Variants in SARAF observed in about 807,000 individuals in gnomAD.
SARAF encodes the protein store-operated calcium entry-associated regulatory factor.
SARAF carries 23 observed loss-of-function variants against 39.7 expected under a neutral mutation model. The observed-to-expected ratio is 0.58, with a 90% CI of 0.42 to 0.82. The LOEUF (loss-of-function observed/expected upper bound fraction) is 0.82, where lower values mean the gene tolerates loss of function less well. Ranked by LOEUF, SARAF falls within the 40% of genes least tolerant of loss-of-function variation. SARAF has a pLI of 0.00. For synonymous variants in SARAF, 175 were observed against 168.5 expected (o/e 1.04, Z -0.30); for missense variants, 384 against 418.5 (o/e 0.92, Z 0.72).
intron 4 of SARAF, 112 bp from the exon 5 acceptor site, chr8:30,066,251 T>C: frequency 1.8e-6 from 2 of 1,125,700 alleles, no homozygotes. Flanking sequence ...TATTTTTTCC[T>C]GAATGTTCTG....
chr8:30,068,295 G>C (rs573447456), intron 3 of SARAF, among the ~76,000 whole-genome samples: 16 of 152,232 alleles, frequency 1.1e-4, no homozygotes, highest in African/African-American at 3.9e-4. Context: ...GATTCTCATA[G>C]GAGCACAAAC....
chr8:30,083,027 GC>G lies in SARAF; in HGVS notation c.-79del, dbSNP rs1249781627. On this transcript the variant is annotated 5_prime_UTR_variant, in exon 1 of 6. Coordinates refer to ENST00000256255, the MANE Select transcript of SARAF (RefSeq NM_016127.6). Reference sequence around the variant, plus strand: ...GGTGCGGTAGCGCGCGCGACGCTGCGCAGCTACACCGCTACCCCTGGCGGCG... The same window carrying G: ...GGTGCGGTAGCGCGCGCGACGCTGCGAGCTACACCGCTACCCCTGGCGGCG... The G allele has an allele frequency of 1.8e-6, 2 of 1,097,310 alleles. No individual in the cohort carries two copies. The highest frequency in any genetic ancestry group is 5.4e-5 in the Admixed American group (2 of 36,858). The allele number at this position is 1,097,310 out of a possible 1,614,324, so 68.0% of individuals were successfully genotyped here. A position where few individuals can be genotyped will look rare whatever the true frequency, so the allele number is the denominator to read the frequency against.
chr8:30,078,719 T>C lies in SARAF; in HGVS notation c.103+4128A>G, dbSNP rs1457821623. ...CAATACCCTATCTATATAAAAAATA[T>C]ATATAGAGAGAGAGACCTAAATATA... On this transcript the variant is annotated intron_variant, in intron 1 of 5. Transcript: ENST00000256255. Among the ~76,000 whole-genome samples, 4 of 152,182 alleles carry C rather than the reference T, an allele frequency of 2.6e-5. No homozygotes were observed. The South Asian group carries it at 6.2e-4, about 24-fold the overall frequency.
rs57282514 is a variant in SARAF, at chr8:30,067,554, T to A, written c.701-636A>T. On this transcript the variant is annotated intron_variant, in intron 3 of 5. Transcript: ENST00000256255. ...CATGACAACTCCTAATAGATTCCCATCTATGTCAGAGATCAGCACTACTTT... is the reference window on the plus strand; with the variant it reads ...CATGACAACTCCTAATAGATTCCCAACTATGTCAGAGATCAGCACTACTTT... 3.4e-3 allele frequency among the ~76,000 whole-genome samples: 525 copies of A among 152,318 alleles called. 3 individuals carry two copies. The highest frequency in any genetic ancestry group is 0.012 in the African/African-American group (494 of 41,560).
chr8:30,073,892 A>G lies in SARAF; in HGVS notation c.267T>C (p.Asp89=), dbSNP rs375588516. Reference sequence around the variant, plus strand: ...TGGATATTACCTGTACATCATACCCATCCCAGCCTTTGTTCTGACACTGTA... The same window carrying G: ...TGGATATTACCTGTACATCATACCCGTCCCAGCCTTTGTTCTGACACTGTA... The part of the protein sequence containing the change: ...KVIQCQNKGW[D]GYDVQWECKT... Residue 89 remains aspartate, a synonymous_variant, in exon 2 of 6, where the codon GAT becomes GAC. Transcript: ENST00000256255. The G allele has an allele frequency of 5.3e-5, 86 of 1,614,192 alleles. No individual in the cohort carries two copies. The African/African-American group carries it at 9.1e-4, about 17-fold the overall frequency.
rs367575463 is a variant in SARAF at position 30,063,892 on chromosome 8, C to T, written c.1016G>A (p.Arg339Gln). Reference sequence around the variant, plus strand: ...GTTTGACTCCAACTTTCTACTTTATCGTCTCCTGGTACCACCATATCCTAG... The same window carrying T: ...GTTTGACTCCAACTTTCTACTTTATTGTCTCCTGGTACCACCATATCCTAG... ...TASGYGGTRR[R>Q] The change falls in exon 6 of 6, where the codon CGA (arginine) becomes CAA (glutamine). Residue 339 changes from arginine (R) to glutamine (Q), a missense_variant. Transcript: ENST00000256255. 3.7e-6 allele frequency: 6 copies of T among 1,613,128 alleles called. No homozygotes were observed. Among genetic ancestry groups the T allele is most frequent in the Non-Finnish European group, 4.2e-6 (5 of 1,179,382 alleles).
rs1398130382 is a variant in SARAF, at chr8:30,064,550, TATATA to T, written c.995-642_995-638del. On this transcript the variant is annotated intron_variant, in intron 5 of 5. Coordinates refer to ENST00000256255, the MANE Select transcript of SARAF (RefSeq NM_016127.6). ...TTACCTAGCCATATATATATATATA[TATATA>T]TATATATTTTTTTTTTTTTTTTTTG... Among the ~76,000 whole-genome samples, 278 of 39,836 alleles carry T rather than the reference TATATA, an allele frequency of 7.0e-3. 4 individuals carry two copies. The highest frequency in any genetic ancestry group is 0.014 in the Middle Eastern group (1 of 72). 26.1% of individuals were successfully genotyped at this position (39,836 alleles called of 152,430 possible). A position where few individuals can be genotyped will look rare whatever the true frequency, so the allele number is the denominator to read the frequency against.
Position 30,066,038 on chromosome 8 carries a change from C to T in SARAF, c.944G>A (p.Gly315Asp). Residue 315 changes from glycine to aspartate, a missense_variant, in exon 5 of 6, where the codon GGC becomes GAC. Coordinates refer to ENST00000256255, the MANE Select transcript of SARAF (RefSeq NM_016127.6). Reference protein sequence around the residue: ...RAYSPLHGGSGSYSVCSNSDT... With the variant: ...RAYSPLHGGSDSYSVCSNSDT... ...TGAGTTTGAACATACCGAATAGCTG[C>T]CCGAGCCTCCATGAAGGGGTGAGTA... 1 of 1,614,098 alleles carries T rather than the reference C, an allele frequency of 6.2e-7. No individual in the cohort carries two copies. The highest frequency in any genetic ancestry group is 8.5e-7 in the Non-Finnish European group (1 of 1,180,016).
intron 1 of SARAF, among the ~76,000 whole-genome samples, chr8:30,076,780 G>A (rs545647898): frequency 6.6e-6 from 1 of 152,212 alleles, no homozygotes; most frequent in African/African-American, 2.4e-5. Context: ...TCTCCCTTCT[G>A]CCTTCCACCA....
At chr8:30,067,906 G>C (rs1801728830) in intron 3 of SARAF, among the ~76,000 whole-genome samples, 1 of 152,098 alleles carries the variant, frequency 6.6e-6, no homozygotes, top group South Asian at 2.1e-4. Flanking sequence ...TGCATGTTTG[G>C]GTTGTTTTAC....
At chr8:30,081,716 AATG>A (rs952031125) in intron 1 of SARAF, among the ~76,000 whole-genome samples, 8 of 134,630 alleles carry the variant, frequency 5.9e-5, no homozygotes, top group African/African-American at 2.3e-4. Flanking sequence ...GCAAAGCAAA[AATG>A]ATGTTGTTTT....
chr8:30,073,950 G>A lies in SARAF; in HGVS notation c.209C>T (p.Thr70Ile). The change falls in exon 2 of 6, where the codon ACA becomes ATA. Residue 70 changes from threonine (T) to isoleucine (I), a missense_variant. Coordinates refer to ENST00000256255, the MANE Select transcript of SARAF (RefSeq NM_016127.6). ...PIPQLKCVGG[T>I]AGCDSYTPKV... is the part of the protein sequence containing the mutation. ...TGGGGTATAAGAATCACAACCAGCT[G>A]TGCCTCCAACACATTTCAACTGTGG... 6.2e-7 allele frequency: 1 copy of A among 1,614,186 alleles called. No homozygotes were observed. The highest frequency in any genetic ancestry group is 8.5e-7 in the Non-Finnish European group (1 of 1,180,046).
At chr8:30,066,322 T>C (rs1377173101) in intron 4 of SARAF, among the ~76,000 whole-genome samples, 183 bp from the exon 5 acceptor site, 1 of 152,210 alleles carries the variant, frequency 6.6e-6, no homozygotes, top group Non-Finnish European at 1.5e-5. Context: ...TTATGGTCAC[T>C]GCTATGGGGG....
intron 1 of SARAF, among the ~76,000 whole-genome samples, chr8:30,079,232 CAAAA>C (rs775631464): frequency 7.3e-6 from 1 of 137,284 alleles, no homozygotes; most frequent in Non-Finnish European, 1.6e-5. Flanking sequence ...AATTGTGAAA[CAAAA>C]GAAAGATCAG....
intron 2 of SARAF, among the ~76,000 whole-genome samples, chr8:30,072,307 G>C (rs1423636888): frequency 6.6e-6 from 1 of 152,124 alleles, no homozygotes; most frequent in African/African-American, 2.4e-5. Context: ...TTACTGAGTT[G>C]TAAGAGTTAT....
chr8:30,082,777 G>A, intron 1 of SARAF, 70 bp downstream of exon 1: 1 of 1,267,748 alleles, frequency 7.9e-7, no homozygotes, highest in South Asian at 1.5e-5. Flanking sequence ...GGAAACGCAG[G>A]GGAGCCTGCA....
At chr8:30,082,805 A>C in intron 1 of SARAF, 42 bp downstream of exon 1, 2 of 1,404,972 alleles carry the variant, frequency 1.4e-6, no homozygotes, top group Non-Finnish European at 1.9e-6. Flanking sequence ...ACGGCGGCGG[A>C]AAAGGGCGAA....
chr8:30,074,754 A>T (rs1168346800), intron 1 of SARAF, among the ~76,000 whole-genome samples: 1 of 152,184 alleles, frequency 6.6e-6, no homozygotes, highest in Non-Finnish European at 1.5e-5. Flanking sequence ...CTCTATTCCT[A>T]ATGTTTTATT....
At chr8:30,072,776 T>C (rs1292132599) in intron 2 of SARAF, among the ~76,000 whole-genome samples, 1 of 152,216 alleles carries the variant, frequency 6.6e-6, no homozygotes, top group Non-Finnish European at 1.5e-5. Flanking sequence ...TTATCATTCC[T>C]TCCTAACACA....
Sources: gnomAD v4.1 joint callset for allele counts (sites outside exome capture counted in the v4.1 genomes callset) on GRCh38, gnomAD v4.1.1 for gene constraint, MANE v1.5 for transcripts, NCBI Gene and HGNC (gene_info 2026-07-23, HGNC 2026-07-21) for gene names.